Variants in KAZN observed in about 807,000 individuals in gnomAD.
KAZN encodes kazrin.
Under a neutral mutation model 87.4 loss-of-function variants are expected in KAZN, and 40 were observed. The observed-to-expected ratio is 0.46, with a 90% CI of 0.36 to 0.60. The LOEUF is 0.60. Among genes scored for constraint, KAZN ranks in the 20% least tolerant of loss-of-function variants. The pLI, the probability that KAZN is intolerant of heterozygous loss-of-function variation, is 0.00. For missense variants in KAZN, 898 were observed against 1,073.9 expected, an observed-to-expected ratio of 0.84 and a Z score of 2.29; for synonymous variants, 466 against 458.3, an observed-to-expected ratio of 1.02 and a Z score of -0.22.
intron 1 of KAZN, among the ~76,000 whole-genome samples, chr1:14,725,715 T>TC (rs1254231837): frequency 3.3e-5 from 5 of 152,146 alleles, no homozygotes; most frequent in Non-Finnish European, 7.3e-5. Context: ...CTGGTTGCTT[T>TC]CCCCAATACA....
intron 1 of KAZN, among the ~76,000 whole-genome samples, chr1:14,952,393 T>G (rs1481861758): frequency 6.6e-6 from 1 of 151,860 alleles, no homozygotes; most frequent in Non-Finnish European, 1.5e-5. Context: ...TGCTGGAGAA[T>G]AGGGGGTTGA....
chr1:15,071,980 C>T (rs184645020), intron 8 of KAZN, among the ~76,000 whole-genome samples: 19 of 152,314 alleles, frequency 1.2e-4, no homozygotes, highest in African/African-American at 3.8e-4. Context: ...GAATCCTCAA[C>T]GGAAGATTTG....
Position 14,227,251 on chromosome 1 carries a change from A to G in KAZN, c.249+46659A>G, listed in dbSNP as rs999754141. Among the ~76,000 whole-genome samples the G allele has an allele frequency of 5.3e-5, 8 of 152,270 alleles. No individual in the cohort carries two copies. The South Asian group carries it at 8.3e-4, about 16-fold the overall frequency. On this transcript the variant is annotated intron_variant, in intron 2 of 16. Transcript: ENST00000636203. ...CTTGCTGTGTCACAAACTAGACCTC[A>G]GTGGCCTCAAACCATCATTTTATGA...
chr1:13,920,205 G>T (rs1640011078), intron 1 of KAZN, among the ~76,000 whole-genome samples: 1 of 140,664 alleles, frequency 7.1e-6, no homozygotes, highest in Non-Finnish European at 1.5e-5. Context: ...AGCTGAGATT[G>T]TGCCACTGCA....
chr1:14,967,197 C>T (rs895428367), intron 2 of KAZN, among the ~76,000 whole-genome samples: 4 of 152,136 alleles, frequency 2.6e-5, no homozygotes, highest in African/African-American at 7.2e-5. Context: ...TTTCGTTTCC[C>T]TCCCTCTCCC....
intron 1 of KAZN, among the ~76,000 whole-genome samples, chr1:14,127,208 T>C (rs986985229): frequency 6.6e-6 from 1 of 152,244 alleles, no homozygotes; most frequent in African/African-American, 2.4e-5. Flanking sequence ...TCTTGCCCTT[T>C]AGGCAAGTTC....
chr1:14,305,846 T>G (rs1654887133), intron 2 of KAZN, among the ~76,000 whole-genome samples: 1 of 152,160 alleles, frequency 6.6e-6, no homozygotes, highest in Non-Finnish European at 1.5e-5. Context: ...TCACATATGT[T>G]TGCTCTGCTC....
intron 1 of KAZN, among the ~76,000 whole-genome samples, chr1:14,621,818 C>G (rs1235842676): frequency 6.6e-6 from 1 of 152,172 alleles, no homozygotes; most frequent in Non-Finnish European, 1.5e-5. Context: ...GTGAGGCCCC[C>G]CCTCAACCAT....
intron 2 of KAZN, among the ~76,000 whole-genome samples, chr1:14,258,114 C>T (rs1028755705): frequency 4.6e-5 from 7 of 151,304 alleles, no homozygotes; most frequent in Admixed American, 6.6e-5. Context: ...CCCTTCATCA[C>T]GGTAGATCAC....
chr1:14,093,583 G>T (rs1032286371), intron 1 of KAZN, among the ~76,000 whole-genome samples: 1 of 152,152 alleles, frequency 6.6e-6, no homozygotes, highest in South Asian at 2.1e-4. Context: ...TCCAAGAAAA[G>T]CCCTGAGACA....
chr1:15,014,755 A>G (rs4661562), intron 2 of KAZN, among the ~76,000 whole-genome samples: 131,375 of 152,196 alleles, frequency 0.86, 56,835 homozygotes, highest in African/African-American at 0.89. Context: ...GGATGGTCAG[A>G]CAGTCAGCTT....
At chr1:14,964,429 C>T (rs192182592) in intron 2 of KAZN, among the ~76,000 whole-genome samples, 22 of 152,190 alleles carry the variant, frequency 1.4e-4, no homozygotes, top group Non-Finnish European at 2.9e-4. Context: ...TGAGACCACC[C>T]CTTGAGCCCA....
In KAZN at chr1:15,117,958, A is replaced by G. The variant is rs1641899298; in HGVS notation, c.*3323A>G. 2 of 152,272 alleles carry G rather than the reference A, an allele frequency of 1.3e-5. No individual in the cohort carries two copies. Among genetic ancestry groups the G allele is most frequent in the Non-Finnish European group, 2.9e-5 (2 of 68,044 alleles). 9.4% of individuals were successfully genotyped at this position (152,272 alleles called of 1,614,324 possible). On this transcript the variant is annotated 3_prime_UTR_variant, in exon 15 of 15. Transcript: ENST00000376030. ...AGAGGAAATGGGTTGGCTCTGAACA[A>G]AGATGCAGTTTCTAGGGCCGTGGCC... is the stretch of plus-strand genomic sequence containing the variant.
chr1:13,960,597 C>T lies in KAZN; in HGVS notation c.91+66841C>T, dbSNP rs887776010. 2.6e-5 allele frequency among the ~76,000 whole-genome samples: 4 copies of T among 152,272 alleles called. No individual in the cohort carries two copies. The East Asian group carries it at 7.7e-4, about 29-fold the overall frequency. On this transcript the variant is annotated intron_variant, in intron 1 of 16. Coordinates refer to the KAZN transcript ENST00000636203. ...CCTCTGGTGGTCAAAGCATGAATGGCATGAATGCATCACATTGACGCCGGG... is the reference window on the plus strand; with the variant it reads ...CCTCTGGTGGTCAAAGCATGAATGGTATGAATGCATCACATTGACGCCGGG...
chr1:14,070,921 G>T (rs1235976516), intron 1 of KAZN, among the ~76,000 whole-genome samples: 1 of 152,172 alleles, frequency 6.6e-6, no homozygotes, highest in Non-Finnish European at 1.5e-5. Context: ...GCAGAGAGTG[G>T]AAGGACAGAG....
intron 1 of KAZN, among the ~76,000 whole-genome samples, chr1:14,877,159 C>T (rs1377831461): frequency 1.3e-5 from 2 of 152,178 alleles, no homozygotes; most frequent in African/African-American, 4.8e-5. Flanking sequence ...CTCTCTCGGA[C>T]TCTCTTGGAC....
intron 2 of KAZN, among the ~76,000 whole-genome samples, chr1:14,379,846 T>A (rs971803291): frequency 6.6e-6 from 1 of 152,198 alleles, no homozygotes; most frequent in Non-Finnish European, 1.5e-5. Flanking sequence ...CACCACTTGC[T>A]GGATTGTGGA....
chr1:14,518,440 G>A (rs12408554), intron 2 of KAZN, among the ~76,000 whole-genome samples: 1 of 151,852 alleles, frequency 6.6e-6, no homozygotes, highest in African/African-American at 2.4e-5. Context: ...GCCTCCCAAA[G>A]TGTTGGGATT....
chr1:14,229,733 G>C (rs1218793309), intron 2 of KAZN, among the ~76,000 whole-genome samples: 1 of 152,228 alleles, frequency 6.6e-6, no homozygotes, highest in Non-Finnish European at 1.5e-5. Flanking sequence ...AGGGACACCA[G>C]CCTTCATTTC....
Sources: gnomAD v4.1 joint callset for allele counts (sites outside exome capture counted in the v4.1 genomes callset) on GRCh38, gnomAD v4.1.1 for gene constraint, MANE v1.5 for transcripts, NCBI Gene and HGNC (gene_info 2026-07-23, HGNC 2026-07-21) for gene names.